The following FABP5 variants were observed in gnomAD, a reference collection of about 807,000 sequenced individuals.
The protein encoded by FABP5 is fatty acid-binding protein 5.
FABP5 carries 7 observed loss-of-function variants against 16.9 expected under a neutral mutation model. The ratio of observed to expected loss-of-function variants is 0.41; its 90% CI spans 0.24 to 0.78. The LOEUF (loss-of-function observed/expected upper bound fraction) is 0.78, where lower values mean the gene tolerates loss of function less well. FABP5 is among the 30% of genes least tolerant of loss of function. The pLI, the probability that FABP5 is intolerant of heterozygous loss-of-function variation, is 0.30. For synonymous variants in FABP5, 37 were observed against 52.8 expected (o/e 0.70, Z 1.30); for missense variants, 119 against 159.5 (o/e 0.75, Z 1.37).
Position 81,283,975 on chromosome 8 carries a change from G to C in FABP5, c.354+1G>C, listed in dbSNP as rs1176723306. 3 of 1,600,388 alleles carry C rather than the reference G, an allele frequency of 1.9e-6. No individual in the cohort carries two copies. The highest frequency in any genetic ancestry group is 2.7e-5 in the African/African-American group (2 of 74,534). On this transcript the variant is annotated splice_donor_variant, in intron 3 of 3. Coordinates refer to ENST00000297258, the MANE Select transcript of FABP5 (RefSeq NM_001444.3). LOFTEE classifies it high-confidence loss of function. Reference sequence around the variant, plus strand: ...ATTGAAAGATGGGAAATTAGTGGTGGTAAGTGTCAAACTGCTGTGTCTCAG... The same window carrying C: ...ATTGAAAGATGGGAAATTAGTGGTGCTAAGTGTCAAACTGCTGTGTCTCAG...
chr8:81,284,233 C>G (rs907591450), intron 3 of FABP5: 1 of 539,292 alleles, frequency 1.9e-6, no homozygotes, highest in African/African-American at 1.9e-5. Flanking sequence ...GGCAAGCCAC[C>G]AAACTGCACA....
chr8:81,280,558 C>T lies in FABP5; in HGVS notation c.-38C>T, dbSNP rs1226260100. 3.2e-6 allele frequency: 5 copies of T among 1,544,578 alleles called. No individual in the cohort carries two copies. Among genetic ancestry groups the T allele is most frequent in the Middle Eastern group, 2.0e-4 (1 of 4,928 alleles). On this transcript the variant is annotated 5_prime_UTR_variant, in exon 1 of 4. Coordinates refer to ENST00000297258, the MANE Select transcript of FABP5 (RefSeq NM_001444.3). The stretch of plus-strand genomic sequence containing the variant: ...CTCACAGCACGCTGCCACGCCGACG[C>T]AGACCCCTCTCTGCACGCCAGCCCG...
rs1807822009 is a variant in FABP5, at chr8:81,281,039, C to G, written c.79+365C>G. The G allele has an allele frequency of 4.6e-6, 1 of 218,214 alleles. No individual in the cohort carries two copies. Among genetic ancestry groups the G allele is most frequent in the Non-Finnish European group, 9.1e-6 (1 of 109,750 alleles). The allele number at this position is 218,214 out of a possible 1,614,324, so 13.5% of individuals were successfully genotyped here. On this transcript the variant is annotated intron_variant, in intron 1 of 3. Transcript: ENST00000297258. The surrounding 1 kb of genome is among the most constrained non-coding windows in gnomAD (Gnocchi z 4.5). Reference sequence around the variant, plus strand: ...CCTCACGCTGCACTTCTTTCGACCCCCTCCAGGCGACCCTGTATTTCCCTT... The same window carrying G: ...CCTCACGCTGCACTTCTTTCGACCCGCTCCAGGCGACCCTGTATTTCCCTT...
Position 81,283,446 on chromosome 8 carries a change from A to G in FABP5, c.160A>G (p.Ile54Val), listed in dbSNP as rs756048082. The change falls in exon 2 of 4, where the codon ATA becomes GTA. Residue 54 changes from isoleucine to valine, a missense_variant. Ile to Val is a conservative substitution (Grantham distance 29). Transcript: ENST00000297258. ...IITCDGKNLT[I>V]KTESTLKTTQ... ...CACTTGTGATGGTAAAAACCTCACC[A>G]TAAAAACTGAGAGCACTTTGAAAAC... 3.1e-6 allele frequency: 5 copies of G among 1,613,146 alleles called. No homozygotes were observed. Among genetic ancestry groups the G allele is most frequent in the Non-Finnish European group, 4.2e-6 (5 of 1,179,504 alleles).
chr8:81,283,634 A>T, intron 2 of FABP5, 96 bp downstream of exon 2: 23 of 1,316,338 alleles, frequency 1.7e-5, no homozygotes, highest in Non-Finnish European at 2.4e-5. Flanking sequence ...TTAATGAAAA[A>T]GTTATTTTAT....
rs1223049745 is a variant in FABP5 at position 81,280,668 on chromosome 8, G to A, written c.73G>A (p.Glu25Lys). 3.2e-6 allele frequency: 5 copies of A among 1,557,302 alleles called. No individual in the cohort carries two copies. The highest frequency in any genetic ancestry group is 3.5e-6 in the Non-Finnish European group (4 of 1,149,674). ...CAAAGGCTTTGATGAATACATGAAGGAGCTAGGTGAGGCACCCGGCCTGGC... is the reference window on the plus strand; with the variant it reads ...CAAAGGCTTTGATGAATACATGAAGAAGCTAGGTGAGGCACCCGGCCTGGC... ...DSKGFDEYMK[E>K]LGVGIALRKM... Residue 25 changes from glutamate to lysine, a missense_variant, in exon 1 of 4, where the codon GAG becomes AAG. By Grantham distance (56) the Glu-to-Lys change is moderately conservative. Transcript: ENST00000297258.
At chr8:81,283,686 A>C in intron 2 of FABP5, 148 bp downstream of exon 2, 1 of 1,047,292 alleles carries the variant, frequency 9.5e-7, no homozygotes, top group Non-Finnish European at 1.4e-6. Context: ...CAACTTCATC[A>C]TAGAATTGGC....
chr8:81,283,975 G>T lies in FABP5; in HGVS notation c.354+1G>T, dbSNP rs1176723306. 1.2e-6 allele frequency: 2 copies of T among 1,600,506 alleles called. No homozygotes were observed. The highest frequency in any genetic ancestry group is 3.3e-5 in the Admixed American group (2 of 59,920). On this transcript the variant is annotated splice_donor_variant, in intron 3 of 3. Coordinates refer to ENST00000297258, the MANE Select transcript of FABP5 (RefSeq NM_001444.3). LOFTEE classifies it high-confidence loss of function. ...ATTGAAAGATGGGAAATTAGTGGTG[G>T]TAAGTGTCAAACTGCTGTGTCTCAG...
chr8:81,281,059 TCC>T lies in FABP5; in HGVS notation c.79+387_79+388del. 1 of 187,596 alleles carries T rather than the reference TCC, an allele frequency of 5.3e-6. No individual in the cohort carries two copies. The highest frequency in any genetic ancestry group is 1.1e-5 in the Non-Finnish European group (1 of 90,712). 11.6% of individuals were successfully genotyped at this position (187,596 alleles called of 1,614,324 possible). On this transcript the variant is annotated intron_variant, in intron 1 of 3. Coordinates refer to ENST00000297258, the MANE Select transcript of FABP5 (RefSeq NM_001444.3). The surrounding 1 kb of genome is among the most constrained non-coding windows in gnomAD (Gnocchi z 4.5). ...GACCCCCTCCAGGCGACCCTGTATT[TCC>T]CTTTTTTCCCCCTTTACTCATCCTT...
intron 3 of FABP5, 185 bp downstream of exon 3, chr8:81,284,159 A>AG (rs1491500824): frequency 3.5e-6 from 2 of 576,584 alleles, no homozygotes; most frequent in Non-Finnish European, 3.0e-6. Context: ...GACATGACAT[A>AG]GGAGAGGATT....
At chr8:81,283,131 A>C in intron 1 of FABP5, 1 of 373,948 alleles carries the variant, frequency 2.7e-6, no homozygotes. Context: ...TCGCTTTCTC[A>C]TCAGTAAAAT....
At chr8:81,282,665 A>AT (rs1355023063) in intron 1 of FABP5, among the ~76,000 whole-genome samples, 31 of 152,258 alleles carry the variant, frequency 2.0e-4, no homozygotes, top group African/African-American at 7.5e-4. Context: ...ATTTCTATTG[A>AT]TTTATATACC....
At chr8:81,282,818 T>A (rs1274193892) in intron 1 of FABP5, among the ~76,000 whole-genome samples, 1 of 152,196 alleles carries the variant, frequency 6.6e-6, no homozygotes, top group Non-Finnish European at 1.5e-5. Flanking sequence ...AATCAAATAT[T>A]TATCGAGAAC....
intron 1 of FABP5, 116 bp downstream of exon 1, chr8:81,280,790 A>G (rs936237848): frequency 2.0e-5 from 17 of 859,934 alleles, no homozygotes; most frequent in Non-Finnish European, 2.9e-5. Context: ...GCCTACCCCC[A>G]TCCCCTCCCA....
intron 1 of FABP5, among the ~76,000 whole-genome samples, chr8:81,282,810 T>A (rs868066695): frequency 4.6e-5 from 7 of 152,318 alleles, no homozygotes; most frequent in Middle Eastern, 3.4e-3. Context: ...AGTCTATTAA[T>A]CAAATATTTA....
At chr8:81,283,073 C>G (rs1250573221) in intron 1 of FABP5, 1 of 238,414 alleles carries the variant, frequency 4.2e-6, no homozygotes, top group African/African-American at 2.2e-5. Context: ...TGGTTCCCAG[C>G]TCCATCACTT....
intron 3 of FABP5, 29 bp from the exon 4 acceptor site, chr8:81,284,485 A>C (rs1415766075): frequency 1.3e-6 from 2 of 1,523,430 alleles, no homozygotes; most frequent in Non-Finnish European, 9.1e-7. Context: ...AGGCTAACCT[A>C]ACTCTTTTAA....
At position 81,283,504 on chromosome 8, in the gene FABP5, T is replaced by A. The variant is rs1158772404; in HGVS notation, c.218T>A (p.Phe73Tyr). 1.9e-6 allele frequency: 3 copies of A among 1,611,886 alleles called. No individual in the cohort carries two copies. Among genetic ancestry groups the A allele is most frequent in the Non-Finnish European group, 2.5e-6 (3 of 1,179,552 alleles). ...TQFSCTLGEK[F>Y]EETTADGRKT... Reference sequence around the variant, plus strand: ...TTTTCTTGTACCCTGGGAGAGAAGTTTGAAGAAACCACAGCTGATGGCAGA... The same window carrying A: ...TTTTCTTGTACCCTGGGAGAGAAGTATGAAGAAACCACAGCTGATGGCAGA... Residue 73 changes from phenylalanine (F) to tyrosine (Y), a missense_variant, in exon 2 of 4, where the codon TTT becomes TAT. Transcript: ENST00000297258.
rs755921591 is a variant in FABP5, at chr8:81,283,830, G to A, written c.253-43G>A. On this transcript the variant is annotated intron_variant, in intron 2 of 3. Coordinates refer to ENST00000297258, the MANE Select transcript of FABP5 (RefSeq NM_001444.3). ...GAGGTTATGAGTCATGGAAACTCTTGTAATGTACTTGGAAGATTAAAACGT... is the reference window on the plus strand; with the variant it reads ...GAGGTTATGAGTCATGGAAACTCTTATAATGTACTTGGAAGATTAAAACGT... 8.0e-6 allele frequency: 12 copies of A among 1,507,140 alleles called. No homozygotes were observed. In the East Asian group the frequency reaches 2.9e-4, roughly 36 times the overall value. 93.4% of individuals were successfully genotyped at this position (1,507,140 alleles called of 1,614,324 possible). A position where few individuals can be genotyped will look rare whatever the true frequency, so the allele number is the denominator to read the frequency against.
Sources: allele counts gnomAD v4.1 joint callset (sites outside exome capture counted in the v4.1 genomes callset), GRCh38; gene constraint gnomAD v4.1.1; non-coding constraint Gnocchi (gnomAD v3.1); transcripts MANE v1.5; gene names NCBI Gene and HGNC (gene_info 2026-07-23, HGNC 2026-07-21).